EFCAB3: variants seen among roughly 807,000 people sequenced by gnomAD.
EFCAB3 encodes the protein EF-hand calcium-binding domain-containing protein 3.
EFCAB3 carries 36 observed loss-of-function variants against 42.2 expected under a neutral mutation model. The observed-to-expected ratio is 0.85, with a 90% CI of 0.65 to 1.13. The LOEUF (loss-of-function observed/expected upper bound fraction) is 1.13, where lower values mean the gene tolerates loss of function less well. EFCAB3 is among the 50% of genes most tolerant of loss of function. The probability of loss-of-function intolerance (pLI) is 0.00; values close to 1 mark genes in which losing one functional copy is unlikely to be tolerated. For synonymous variants in EFCAB3, 170 were observed against 172.8 expected (o/e 0.98, Z 0.13); for missense variants, 418 against 505.1 (o/e 0.83, Z 1.65).
chr17:62,399,701 TC>T (rs2070384464), intron 6 of EFCAB3, among the ~76,000 whole-genome samples: 2 of 152,110 alleles, frequency 1.3e-5, no homozygotes, highest in African/African-American at 4.8e-5. Context: ...TACCTTTGGG[TC>T]TTTGTTCTGA....
chr17:62,379,514 T>C (rs1030911369), upstream of EFCAB3, among the ~76,000 whole-genome samples: 3 of 152,158 alleles, frequency 2.0e-5, no homozygotes, highest in African/African-American at 7.2e-5. Context: ...GCCTTCCCTT[T>C]CTTTCCTTGT....
intron 1 of EFCAB3, chr17:62,370,429 TG>T: frequency 8.9e-7 from 1 of 1,121,592 alleles, no homozygotes; most frequent in Non-Finnish European, 1.3e-6. Context: ...CCAAGGCAGG[TG>T]GATCACCTGA....
upstream of EFCAB3, chr17:62,377,920 A>G (rs1428783231): frequency 2.7e-6 from 4 of 1,477,392 alleles, no homozygotes; most frequent in Non-Finnish European, 3.7e-6. Flanking sequence ...TCTACTTTCC[A>G]TAACTTCAGA....
chr17:62,392,069 T>C (rs537493388), intron 4 of EFCAB3, 104 bp downstream of exon 4: 2 of 1,047,554 alleles, frequency 1.9e-6, no homozygotes, highest in Non-Finnish European at 1.3e-6. Context: ...CTTATTTACT[T>C]GCCCCCCCAA....
At chr17:62,393,479 A>C (rs1345394312) in intron 4 of EFCAB3, 94 bp from the exon 5 acceptor site, 1 of 964,212 alleles carries the variant, frequency 1.0e-6, no homozygotes, top group Non-Finnish European at 1.5e-6. Context: ...TTAATATTGA[A>C]TCATCCAGAG....
intron 3 of EFCAB3, 110 bp from the exon 4 acceptor site, chr17:62,391,704 TCGCAATCC>T: frequency 3.6e-6 from 4 of 1,124,296 alleles, no homozygotes; most frequent in South Asian, 2.1e-5. Context: ...CTCATTTTTT[TCGCAATCC>T]TTTTTTTAGA....
upstream of EFCAB3, among the ~76,000 whole-genome samples, chr17:62,376,017 G>A (rs533805738): frequency 8.5e-5 from 13 of 152,052 alleles, no homozygotes; most frequent in African/African-American, 2.4e-4. Flanking sequence ...CACTTCATAA[G>A]CCCCAATCCA....
chr17:62,388,358 A>C (rs1362874877), intron 3 of EFCAB3, among the ~76,000 whole-genome samples: 1 of 152,360 alleles, frequency 6.6e-6, no homozygotes, highest in East Asian at 1.9e-4. Context: ...GTCCCAGAGA[A>C]GGCTGAATGA....
Position 62,393,019 on chromosome 17 carries a change from A to G in EFCAB3, c.296-554A>G, listed in dbSNP as rs539687411. Reference sequence around the variant, plus strand: ...GCTGTGTGAAAAATATATTCAGCATATTATCTCCTCTCACCTCTCTCCACC... The same window carrying G: ...GCTGTGTGAAAAATATATTCAGCATGTTATCTCCTCTCACCTCTCTCCACC... On this transcript the variant is annotated intron_variant, in intron 4 of 9. Coordinates refer to ENST00000305286, the MANE Select transcript of EFCAB3 (RefSeq NM_173503.4). Among the ~76,000 whole-genome samples the G allele has an allele frequency of 1.6e-4, 24 of 152,264 alleles. 1 individual carries two copies. In the South Asian group the frequency reaches 5.0e-3, roughly 32 times the overall value.
At chr17:62,403,613 T>A (rs1265178133) in intron 6 of EFCAB3, among the ~76,000 whole-genome samples, 1 of 152,140 alleles carries the variant, frequency 6.6e-6, no homozygotes, top group African/African-American at 2.4e-5. Flanking sequence ...TCATAATATA[T>A]CCTTTGCTTA....
intron 5 of EFCAB3, 102 bp from the exon 6 acceptor site, chr17:62,394,966 G>A: frequency 1.4e-6 from 2 of 1,462,148 alleles, no homozygotes; most frequent in Non-Finnish European, 1.8e-6. Context: ...TGTACCTCTA[G>A]TTCCTGACTT....
At chr17:62,389,534 T>G (rs2070284595) in intron 3 of EFCAB3, among the ~76,000 whole-genome samples, 1 of 152,194 alleles carries the variant, frequency 6.6e-6, no homozygotes, top group Non-Finnish European at 1.5e-5. Context: ...CTACAAATAT[T>G]TATTGAATAC....
chr17:62,383,271 C>T (rs1040556670), intron 2 of EFCAB3: 4 of 389,450 alleles, frequency 1.0e-5, no homozygotes, highest in Non-Finnish European at 1.8e-5. Flanking sequence ...GTCAAGAGAT[C>T]GAGACCATCC....
At chr17:62,397,775 A>G (rs376702471) in intron 6 of EFCAB3, 7 of 382,828 alleles carry the variant, frequency 1.8e-5, no homozygotes, top group Admixed American at 3.4e-5. Context: ...TTGTAATCCC[A>G]GCACTTTGGG....
intron 8 of EFCAB3, among the ~76,000 whole-genome samples, chr17:62,409,404 A>G (rs1191494830): frequency 6.6e-6 from 1 of 152,160 alleles, no homozygotes; most frequent in African/African-American, 2.4e-5. Context: ...GTGCAATGGT[A>G]CATACCCCTA....
intron 6 of EFCAB3, among the ~76,000 whole-genome samples, chr17:62,401,180 G>C (rs1367516229): frequency 1.3e-5 from 2 of 152,148 alleles, no homozygotes; most frequent in African/African-American, 4.8e-5. Context: ...TGTAGATTCT[G>C]AATATTAGCC....
At position 62,416,093 on chromosome 17, in the gene EFCAB3, T is replaced by C; in HGVS notation, c.1081T>C (p.Leu361=). ...CCTCTGGCAGAAGATCCGAGGGGAT[T>C]TGATTGGGATGGACTCTAGAAATGA... ...LNLWQKIRGD[L]IGMDSRNESF... is the part of the protein sequence containing the mutation. The change falls in exon 10 of 10, where the codon TTG becomes CTG. Residue 361 remains leucine (L), a synonymous_variant. Transcript: ENST00000305286. The C allele has an allele frequency of 5.0e-6, 8 of 1,613,992 alleles. No individual in the cohort carries two copies. The highest frequency in any genetic ancestry group is 1.7e-4 in the Middle Eastern group (1 of 6,056).
intron 2 of EFCAB3, among the ~76,000 whole-genome samples, chr17:62,386,986 C>G (rs112399659): frequency 2.6e-5 from 4 of 152,056 alleles, no homozygotes; most frequent in African/African-American, 9.7e-5. Context: ...GAGACAGGGT[C>G]TTGCTACGTT....
chr17:62,402,426 T>C (rs2070411807), intron 6 of EFCAB3, among the ~76,000 whole-genome samples: 1 of 152,186 alleles, frequency 6.6e-6, no homozygotes, highest in African/African-American at 2.4e-5. Context: ...GGCTGTGGGT[T>C]TGTCATAAAT....
Sources: allele counts gnomAD v4.1 joint callset (sites outside exome capture counted in the v4.1 genomes callset), GRCh38; gene constraint gnomAD v4.1.1; transcripts MANE v1.5; gene names NCBI Gene and HGNC (gene_info 2026-07-23, HGNC 2026-07-21).